Variants in ARVCF observed in about 807,000 individuals in gnomAD.
ARVCF encodes the protein ARVCF delta catenin family member, also known as splicing regulator ARVCF.
ARVCF carries 66 observed loss-of-function variants against 90.9 expected under a neutral mutation model. The ratio of observed to expected loss-of-function variants is 0.73; its 90% CI spans 0.60 to 0.89. The LOEUF (loss-of-function observed/expected upper bound fraction) is 0.89. Ranked by LOEUF, ARVCF falls within the 40% of genes least tolerant of loss-of-function variation. ARVCF has a pLI of 0.00. For missense variants in ARVCF, 1,469 were observed against 1,382.3 expected, an observed-to-expected ratio of 1.06 and a Z score of -1.00; for synonymous variants, 653 against 603.4, an observed-to-expected ratio of 1.08 and a Z score of -1.21.
chr22:19,972,237 C>A, intron 17 of ARVCF, 121 bp downstream of exon 17: 1 of 1,390,582 alleles, frequency 7.2e-7, no homozygotes, highest in Non-Finnish European at 1.0e-6. Flanking sequence ...CTCTAAGCAC[C>A]CCTAAACCAA....
In ARVCF at chr22:19,977,493, C is replaced by T. The variant is rs763923625; in HGVS notation, c.1792G>A (p.Gly598Arg). The change falls in exon 9 of 20, where the codon GGG (glycine) becomes AGG (arginine). Residue 598 changes from glycine to arginine, a missense_variant. Physicochemically the swap from Gly to Arg is moderately radical, Grantham distance 125. Coordinates refer to ENST00000263207, the MANE Select transcript of ARVCF (RefSeq NM_001670.3). ...GAGCCTACAGCACTGCCCAGGGGCCCGGGCTCGGCCTCCTGGTACCTGTCG... is the reference window on the plus strand; with the variant it reads ...GAGCCTACAGCACTGCCCAGGGGCCTGGGCTCGGCCTCCTGGTACCTGTCG... ...GADRYQEAEPGPLGSAVGSQR... is the reference protein window; with the variant it reads ...GADRYQEAEPRPLGSAVGSQR... 34 of 1,598,572 alleles carry T rather than the reference C, an allele frequency of 2.1e-5. 1 individual carries two copies. In the East Asian group the frequency reaches 3.6e-4, roughly 17 times the overall value.
At chr22:19,978,215 T>G in intron 7 of ARVCF, 140 bp from the exon 8 acceptor site, 2 of 693,046 alleles carry the variant, frequency 2.9e-6, no homozygotes, top group South Asian at 2.2e-5. Flanking sequence ...GACCCCACAG[T>G]CTGGAGCTCA....
At chr22:19,967,386 C>T (rs1452646501), downstream of ARVCF, 12 of 476,164 alleles carry the variant, frequency 2.5e-5, no homozygotes, top group Non-Finnish European at 5.0e-5. Flanking sequence ...GCTGACATTG[C>T]TAGGACATTT....
At chr22:20,013,038 T>A (rs1364659066) in intron 1 of ARVCF, among the ~76,000 whole-genome samples, 1 of 152,224 alleles carries the variant, frequency 6.6e-6, no homozygotes, top group Non-Finnish European at 1.5e-5. Context: ...TCCTGCTCTA[T>A]GAGCGCGAGG....
rs114505970 is a variant in ARVCF at position 19,990,857 on chromosome 22, G to C, written c.-18-45C>G. On this transcript the variant is annotated intron_variant, in intron 2 of 19. Transcript: ENST00000263207. ...AGCTCAGTGGGGTGGGGCACAGCCT[G>C]GCAAGGCCATCATGGGCCCCTGCCC... The C allele has an allele frequency of 4.9e-3, 7,531 of 1,523,510 alleles. 317 individuals carry two copies. The African/African-American group carries it at 0.088, about 18-fold the overall frequency. The allele number at this position is 1,523,510 out of a possible 1,614,324, so 94.4% of individuals were successfully genotyped here.
chr22:19,996,495 C>G (rs1442696630), intron 2 of ARVCF, among the ~76,000 whole-genome samples: 1 of 152,222 alleles, frequency 6.6e-6, no homozygotes, highest in South Asian at 2.1e-4. Context: ...AGGCTCTCCA[C>G]TTCTGTGCTT....
rs1432690910 is a variant in ARVCF at position 19,970,893 on chromosome 22, G to A, written c.*13-150C>T. 3 of 1,106,554 alleles carry A rather than the reference G, an allele frequency of 2.7e-6. No individual in the cohort carries two copies. The South Asian group carries it at 4.4e-5, about 16-fold the overall frequency. 68.5% of individuals were successfully genotyped at this position (1,106,554 alleles called of 1,614,324 possible). On this transcript the variant is annotated intron_variant, in intron 19 of 19. Coordinates refer to ENST00000263207, the MANE Select transcript of ARVCF (RefSeq NM_001670.3). ...CCTGGGTGGTGTGGGCTGACCCCAA[G>A]GGTCTTGGCACCAGGGCTGATCCTG...
intron 1 of ARVCF, among the ~76,000 whole-genome samples, chr22:20,014,749 G>T (rs1339805950): frequency 6.6e-6 from 1 of 152,210 alleles, no homozygotes; most frequent in Non-Finnish European, 1.5e-5. Context: ...GTGGTGCCTG[G>T]CATCCGTGTG....
chr22:19,975,654 C>G, intron 11 of ARVCF, 32 bp downstream of exon 11: 1 of 1,612,188 alleles, frequency 6.2e-7, no homozygotes, highest in Non-Finnish European at 8.5e-7. Flanking sequence ...AGACATCCCC[C>G]AGTGGAGCTG....
chr22:20,016,406 T>G (rs898433277), intron 1 of ARVCF, among the ~76,000 whole-genome samples, 183 bp downstream of exon 1: 1 of 151,224 alleles, frequency 6.6e-6, no homozygotes, highest in African/African-American at 2.4e-5. Context: ...AAGACGCGGG[T>G]GGGGCGGAGA....
intron 2 of ARVCF, among the ~76,000 whole-genome samples, chr22:19,993,013 T>C (rs1944086554): frequency 6.6e-6 from 1 of 152,178 alleles, no homozygotes; most frequent in South Asian, 2.1e-4. Context: ...AACAATCATG[T>C]ATCTCCCTGG....
At position 19,970,255 on chromosome 22, in the gene ARVCF, C is replaced by G; in HGVS notation, c.*501G>C. On this transcript the variant is annotated 3_prime_UTR_variant, in exon 20 of 20. Coordinates refer to ENST00000263207, the MANE Select transcript of ARVCF (RefSeq NM_001670.3). ...CCCAGGGCTGGGCCTTGTGGGGCAC[C>G]CCCCACACCGTGGTCTGCCTGCCTG... 1 of 990,144 alleles carries G rather than the reference C, an allele frequency of 1.0e-6. No individual in the cohort carries two copies. Among genetic ancestry groups the G allele is most frequent in the South Asian group, 4.5e-5 (1 of 22,136 alleles). 61.3% of individuals were successfully genotyped at this position (990,144 alleles called of 1,614,324 possible).
intron 16 of ARVCF, 135 bp from the exon 17 acceptor site, chr22:19,972,546 G>GCCTCACCCCAGCTTGACAA: frequency 8.0e-7 from 1 of 1,249,212 alleles, no homozygotes. Context: ...CCAGCTGGCA[G>GCCTCACCCCAGCTTGACAA]CCTCACCCCA....
intron 6 of ARVCF, 123 bp from the exon 7 acceptor site, chr22:19,979,203 G>T: frequency 8.9e-7 from 1 of 1,119,376 alleles, no homozygotes; most frequent in African/African-American, 1.6e-5. Flanking sequence ...ACAGTAGGAA[G>T]TAACAAAAGC....
At position 20,008,252 on chromosome 22, in the gene ARVCF, C is replaced by T. The variant is rs74507871; in HGVS notation, c.-19+2203G>A. On this transcript the variant is annotated intron_variant, in intron 2 of 19. Transcript: ENST00000263207. ...AGACGAAGCCGCAACCCCCTGCAGG[C>T]ACACGGCGGCTGATGGAGGAGGCCA... Among the ~76,000 whole-genome samples, 923 of 152,296 alleles carry T rather than the reference C, an allele frequency of 6.1e-3. 20 individuals are homozygous for T. The highest frequency in any genetic ancestry group is 0.022 in the African/African-American group (894 of 41,552).
At chr22:19,974,058 G>T in intron 12 of ARVCF, 54 bp downstream of exon 12, 3 of 1,563,194 alleles carry the variant, frequency 1.9e-6, no homozygotes, top group Non-Finnish European at 2.6e-6. Context: ...CCAGTGAGGT[G>T]CCTGGGATTC....
chr22:19,973,326 C>A lies in ARVCF; in HGVS notation c.2240-9G>T, dbSNP rs769399287. On this transcript the variant is annotated splice_polypyrimidine_tract_variant and intron_variant, in intron 13 of 19. Transcript: ENST00000263207. ...AGCCATGGCGTAGCTCCCTGAGGGG[C>A]AGGACTAGGTGTCAGAACACACCTC... 2 of 1,588,506 alleles carry A rather than the reference C, an allele frequency of 1.3e-6. No homozygotes were observed. The highest frequency in any genetic ancestry group is 3.4e-5 in the Admixed American group (2 of 58,606).
In ARVCF at chr22:19,979,846, G is replaced by A. The variant is rs368928750; in HGVS notation, c.1293C>T (p.Arg431=). 98 of 1,608,946 alleles carry A rather than the reference G, an allele frequency of 6.1e-5. 1 individual carries two copies. In the South Asian group the frequency reaches 9.3e-4, roughly 15 times the overall value. ...CGALRNLSYG[R]DTDNKAAIRD... Reference sequence around the variant, plus strand: ...GGATGGCGGCCTTGTTGTCAGTGTCGCGGCCATAGGAGAGGTTGCGCAGTG... The same window carrying A: ...GGATGGCGGCCTTGTTGTCAGTGTCACGGCCATAGGAGAGGTTGCGCAGTG... Residue 431 remains arginine (R), a synonymous_variant, in exon 6 of 20, where the codon CGC becomes CGT. Coordinates refer to ENST00000263207, the MANE Select transcript of ARVCF (RefSeq NM_001670.3).
downstream of ARVCF, chr22:19,967,678 ATACTT>A (rs1431335037): frequency 3.4e-6 from 1 of 295,750 alleles, no homozygotes; most frequent in East Asian, 9.6e-5. Flanking sequence ...TGATTTTATT[ATACTT>A]TAGATGTTTG....
Sources: allele counts gnomAD v4.1 joint callset (sites outside exome capture counted in the v4.1 genomes callset), GRCh38; gene constraint gnomAD v4.1.1; transcripts MANE v1.5; gene names NCBI Gene and HGNC (gene_info 2026-07-23, HGNC 2026-07-21).